The following PAQR5 variants were observed in gnomAD, a reference collection of about 807,000 sequenced individuals.
PAQR5 encodes membrane progestin receptor gamma.
In PAQR5, 20 loss-of-function variants were observed where a neutral mutation model predicts 34.5. The observed-to-expected ratio is 0.58, with a 90% confidence interval of 0.41 to 0.84. The LOEUF is 0.84. Ranked by LOEUF, PAQR5 falls within the 40% of genes least tolerant of loss-of-function variation. The probability of loss-of-function intolerance (pLI) is 0.00; values close to 1 mark genes in which losing one functional copy is unlikely to be tolerated. For missense variants in PAQR5, 378 were observed against 412.7 expected (o/e 0.92, Z 0.73); for synonymous variants, 131 against 155.6 (o/e 0.84, Z 1.18).
At chr15:69,354,132 C>A (rs1595886944) in intron 2 of PAQR5, among the ~76,000 whole-genome samples, 1 of 152,136 alleles carries the variant, frequency 6.6e-6, no homozygotes, top group Non-Finnish European at 1.5e-5. Flanking sequence ...TGGCCCAGAC[C>A]CTTCAGGAAT....
intron 3 of PAQR5, chr15:69,379,522 C>T: frequency 1.0e-5 from 10 of 985,384 alleles, no homozygotes; most frequent in Non-Finnish European, 1.2e-5. Context: ...TCTGTGTCAG[C>T]TCACCAAAAA....
rs143696419 is a variant in PAQR5 at position 69,362,700 on chromosome 15, G to A, written c.51+2569G>A. On this transcript the variant is annotated intron_variant, in intron 3 of 8. Transcript: ENST00000395407. ...ATAACCCAAGTGAAGTGCCTGGCAC[G>A]TGGTGAACAATTAATAATGTTGGTT... Among the ~76,000 whole-genome samples the A allele has an allele frequency of 3.6e-3, 552 of 152,268 alleles. 5 individuals carry two copies. Among genetic ancestry groups the A allele is most frequent in the African/African-American group, 0.011 (448 of 41,554 alleles).
chr15:69,334,588 T>C lies in PAQR5; in HGVS notation c.-276-2753T>C, dbSNP rs186741924. On this transcript the variant is annotated intron_variant, in intron 1 of 8. Transcript: ENST00000395407. ...TTCATTTCTGATTGATGTCCTAGGC[T>C]CCACCCCAGTACATAATTAAAATCG... is the stretch of plus-strand genomic sequence containing the variant. Among the ~76,000 whole-genome samples, 25 of 152,290 alleles carry C rather than the reference T, an allele frequency of 1.6e-4. No individual in the cohort carries two copies. The East Asian group carries it at 4.4e-3, about 27-fold the overall frequency.
rs1394930613 is a variant in PAQR5, at chr15:69,300,702, C to CTCTCTCTTTCTT, written c.-277+1649_-277+1650insCTCTTTCTTTCT. ...TTCCTTCCTCCCTCCCTCTCTCTCT[C>CTCTCTCTTTCTT]TCTTTCTTTCTTTCTTTCTTTCTTT... On this transcript the variant is annotated intron_variant, in intron 1 of 8. Transcript: ENST00000395407. 4.6e-4 allele frequency among the ~76,000 whole-genome samples: 3 copies of CTCTCTCTTTCTT among 6,498 alleles called. 1 individual carries two copies. The highest frequency in any genetic ancestry group is 7.7e-4 in the African/African-American group (3 of 3,874). The allele number at this position is 6,498 out of a possible 152,430, so 4.3% of individuals were successfully genotyped here.
At chr15:69,322,120 A>T (rs1413000572) in intron 1 of PAQR5, among the ~76,000 whole-genome samples, 1 of 149,520 alleles carries the variant, frequency 6.7e-6, no homozygotes, top group Non-Finnish European at 1.5e-5. Flanking sequence ...TGGGAGGGTC[A>T]CTTGAGACCA....
chr15:69,399,989 G>A lies in PAQR5; in HGVS notation c.625G>A (p.Gly209Arg). 6 of 1,614,026 alleles carry A rather than the reference G, an allele frequency of 3.7e-6. No individual in the cohort carries two copies. The African/African-American group carries it at 8.0e-5, about 21-fold the overall frequency. ...PIFYRLFLFP[G>R]ESAQNEATSY... Reference sequence around the variant, plus strand: ...ACACCTGCAGCTATTCCTGTTCCCAGGGGAGAGTGCACAAAATGAAGCCAC... The same window carrying A: ...ACACCTGCAGCTATTCCTGTTCCCAAGGGAGAGTGCACAAAATGAAGCCAC... The change falls in exon 8 of 9, where the codon GGG (glycine) becomes AGG (arginine). Residue 209 changes from glycine (G) to arginine (R), a missense_variant. Transcript: ENST00000395407.
intron 2 of PAQR5, among the ~76,000 whole-genome samples, chr15:69,346,395 T>C (rs2054773096): frequency 7.8e-6 from 1 of 127,782 alleles, no homozygotes; most frequent in African/African-American, 2.9e-5. Flanking sequence ...AGCCTCCACC[T>C]CCTGGGCCCG....
chr15:69,372,835 G>GA (rs2055600072), intron 3 of PAQR5, among the ~76,000 whole-genome samples: 1 of 152,148 alleles, frequency 6.6e-6, no homozygotes, highest in Non-Finnish European at 1.5e-5. Context: ...GATTTTCGGT[G>GA]AAATTCTGAT....
At chr15:69,303,963 C>T (rs1328793188) in intron 1 of PAQR5, among the ~76,000 whole-genome samples, 1 of 152,178 alleles carries the variant, frequency 6.6e-6, no homozygotes, top group East Asian at 1.9e-4. Flanking sequence ...TAGAATGCAC[C>T]TGAACCTTGG....
rs556056942 is a variant in PAQR5 at position 69,322,824 on chromosome 15, G to C, written c.-276-14517G>C. ...AGAAGAGGAAGAGGAAGAAGAAGAA[G>C]AAGAAGAAGAAGAGGAAGAAGAAGA... On this transcript the variant is annotated intron_variant, in intron 1 of 8. Coordinates refer to ENST00000395407, the MANE Select transcript of PAQR5 (RefSeq NM_017705.4). 2.1e-5 allele frequency among the ~76,000 whole-genome samples: 3 copies of C among 145,564 alleles called. 1 individual carries two copies. The highest frequency in any genetic ancestry group is 4.5e-5 in the Non-Finnish European group (3 of 66,294).
At chr15:69,383,312 A>G (rs1285543589) in intron 4 of PAQR5, among the ~76,000 whole-genome samples, 2 of 148,504 alleles carry the variant, frequency 1.3e-5, no homozygotes, top group African/African-American at 2.5e-5. Context: ...CTCCGTGCTC[A>G]TGGTGGAGGG....
At chr15:69,400,663 G>A (rs3784362) in intron 8 of PAQR5, among the ~76,000 whole-genome samples, 11,769 of 152,154 alleles carry the variant, frequency 0.077, 832 homozygotes, top group East Asian at 0.18. Flanking sequence ...CTGGGTGAGA[G>A]AGATCCTATG....
chr15:69,388,647 C>T (rs1037160625), intron 5 of PAQR5, among the ~76,000 whole-genome samples: 11 of 152,262 alleles, frequency 7.2e-5, no homozygotes, highest in African/African-American at 2.7e-4. Flanking sequence ...ACTGAAATCT[C>T]GCGGGCTGCC....
chr15:69,300,622 T>C (rs187742992), intron 1 of PAQR5, among the ~76,000 whole-genome samples: 1 of 53,244 alleles, frequency 1.9e-5, no homozygotes, highest in Non-Finnish European at 4.2e-5. Flanking sequence ...TCTTTCTTTC[T>C]TTCTTTCTTT....
intron 2 of PAQR5, among the ~76,000 whole-genome samples, chr15:69,343,448 C>A (rs574989742): frequency 2.6e-4 from 39 of 152,280 alleles, no homozygotes; most frequent in African/African-American, 8.9e-4. Flanking sequence ...AAAAATGTAA[C>A]ACAGATTGAG....
chr15:69,337,602 A>G (rs2054540662), intron 2 of PAQR5, 101 bp downstream of exon 2: 1 of 152,426 alleles, frequency 6.6e-6, no homozygotes, highest in Admixed American at 6.5e-5. Flanking sequence ...ATTTGAGGGT[A>G]CAAACCCATG....
chr15:69,329,831 G>A (rs1313073363), intron 1 of PAQR5, among the ~76,000 whole-genome samples: 1 of 152,002 alleles, frequency 6.6e-6, no homozygotes, highest in Admixed American at 6.6e-5. Flanking sequence ...GCCGCTGATG[G>A]CTCACTCTCC....
intron 7 of PAQR5, among the ~76,000 whole-genome samples, chr15:69,398,210 A>C (rs1294864566): frequency 6.6e-6 from 1 of 152,170 alleles, no homozygotes; most frequent in Non-Finnish European, 1.5e-5. Flanking sequence ...TATTGAAGGA[A>C]AAGGCATGAA....
At chr15:69,302,642 C>A (rs2053630109) in intron 1 of PAQR5, among the ~76,000 whole-genome samples, 1 of 152,188 alleles carries the variant, frequency 6.6e-6, no homozygotes, top group Non-Finnish European at 1.5e-5. Context: ...CCCTGTGTGA[C>A]CCCTGGACTC....
Sources: allele counts gnomAD v4.1 joint callset (sites outside exome capture counted in the v4.1 genomes callset), GRCh38; gene constraint gnomAD v4.1.1; transcripts MANE v1.5; gene names NCBI Gene and HGNC (gene_info 2026-07-23, HGNC 2026-07-21).